The following ZNF695 variants were observed in gnomAD, a reference collection of about 807,000 sequenced individuals.
ZNF695 encodes zinc finger protein SBZF3.
A neutral mutation model predicts 11.2 loss-of-function variants in ZNF695; 11 were observed. That is an observed-to-expected ratio of 0.98 (90% CI 0.62 to 1.62). The LOEUF is 1.62. Ranked by LOEUF, ZNF695 falls within the 40% of genes most tolerant of loss-of-function variation. The probability of loss-of-function intolerance (pLI) is 0.00; values close to 1 mark genes in which losing one functional copy is unlikely to be tolerated. For synonymous variants in ZNF695, 190 were observed against 201.4 expected (o/e 0.94, Z 0.48); for missense variants, 559 against 590.5 (o/e 0.95, Z 0.55).
chr1:246,969,750 C>T (rs1668379761), intron 4 of ZNF695: 1 of 152,334 alleles, frequency 6.6e-6, no homozygotes, highest in South Asian at 2.1e-4. Flanking sequence ...GGGGAGGACT[C>T]AGGAAACTTA....
chr1:246,993,478 G>A (rs1669102438), intron 3 of ZNF695, among the ~76,000 whole-genome samples: 1 of 152,062 alleles, frequency 6.6e-6, no homozygotes, highest in South Asian at 2.1e-4. Flanking sequence ...GAACAAGTTT[G>A]AGAGGCTCCC....
chr1:246,976,763 C>T (rs998461835), intron 4 of ZNF695, among the ~76,000 whole-genome samples: 9 of 152,074 alleles, frequency 5.9e-5, no homozygotes, highest in African/African-American at 1.2e-4. Context: ...CACTGCACTC[C>T]AGCCTGGGCG....
At chr1:246,973,331 G>A (rs1292821842) in intron 4 of ZNF695, among the ~76,000 whole-genome samples, 1 of 152,212 alleles carries the variant, frequency 6.6e-6, no homozygotes, top group Non-Finnish European at 1.5e-5. Flanking sequence ...TTACAGGCAT[G>A]AGCCACCGTG....
chr1:246,964,237 C>G (rs1034107090), intron 5 of ZNF695, among the ~76,000 whole-genome samples: 1 of 152,114 alleles, frequency 6.6e-6, no homozygotes, highest in African/African-American at 2.4e-5. Context: ...CAATTACTAA[C>G]TCAGGTTTCC....
At chr1:246,999,208 T>A in intron 3 of ZNF695, 140 bp downstream of exon 3, 1 of 650,912 alleles carries the variant, frequency 1.5e-6, no homozygotes, top group South Asian at 1.9e-5. Context: ...GATGCCCCTA[T>A]GTGGGAGCAA....
At chr1:246,988,910 G>A (rs1445429779) in intron 3 of ZNF695, among the ~76,000 whole-genome samples, 1 of 151,860 alleles carries the variant, frequency 6.6e-6, no homozygotes, top group Non-Finnish European at 1.5e-5. Context: ...CCAACACAGT[G>A]AAACCCCATC....
Position 247,007,996 on chromosome 1 carries a change from C to A in ZNF695, c.-88G>T, listed in dbSNP as rs568259160. ...GGCGATGGAGCCTGCGGCAGTCACC[C>A]GGGACTCTCCGAGAGGCAGCAGACG... On this transcript the variant is annotated 5_prime_UTR_variant, in exon 1 of 4. Coordinates refer to ENST00000339986, the MANE Select transcript of ZNF695 (RefSeq NM_020394.5). 3 of 1,374,258 alleles carry A rather than the reference C, an allele frequency of 2.2e-6. No homozygotes were observed. The highest frequency in any genetic ancestry group is 2.7e-5 in the East Asian group (1 of 36,512). The allele number at this position is 1,374,258 out of a possible 1,614,324, so 85.1% of individuals were successfully genotyped here.
downstream of ZNF695, among the ~76,000 whole-genome samples, chr1:246,980,459 C>T (rs1483933256): frequency 1.4e-5 from 2 of 147,956 alleles, no homozygotes; most frequent in Non-Finnish European, 1.5e-5. Context: ...CTCTGTCGCT[C>T]AGACTGGAGT....
At chr1:246,992,046 C>T (rs556348300) in intron 3 of ZNF695, among the ~76,000 whole-genome samples, 6 of 152,006 alleles carry the variant, frequency 3.9e-5, no homozygotes, top group Non-Finnish European at 5.9e-5. Flanking sequence ...CACCTGCAGT[C>T]GCAGCTACTC....
At position 246,974,157 on chromosome 1, in the gene ZNF695, C is replaced by A. The variant is rs7417496; in HGVS notation, c.391-6365G>T. On this transcript the variant is annotated intron_variant, in intron 4 of 5. Transcript: ENST00000487338. Reference sequence around the variant, plus strand: ...TTATTTGGAATAAAAAACAAACAAACAAACAAAAAAAAACAAACAAAAAAC... The same window carrying A: ...TTATTTGGAATAAAAAACAAACAAAAAAACAAAAAAAAACAAACAAAAAAC... Among the ~76,000 whole-genome samples, 279 of 127,214 alleles carry A rather than the reference C, an allele frequency of 2.2e-3. 2 individuals are homozygous for A. The highest frequency in any genetic ancestry group is 0.01 in the East Asian group (47 of 4,678). 83.5% of individuals were successfully genotyped at this position (127,214 alleles called of 152,430 possible).
Position 246,987,629 on chromosome 1 carries a change from A to G in ZNF695, c.886T>C (p.Tyr296His). 1.2e-6 allele frequency: 2 copies of G among 1,604,188 alleles called. No individual in the cohort carries two copies. The highest frequency in any genetic ancestry group is 1.3e-5 in the African/African-American group (1 of 74,514). Residue 296 changes from tyrosine to histidine, a missense_variant, in exon 4 of 4, where the codon TAC (tyrosine) becomes CAC (histidine). Tyr to His is a moderately conservative substitution (Grantham distance 83, BLOSUM62 2). Transcript: ENST00000339986. ...GATTTGCCACATTCTTCACATTTGT[A>G]TGGTTTCTCTCCAGTATGAATTTTC... ...HKKIHTGEKP[Y>H]KCEECGKSFK...
chr1:246,948,571 C>G (rs953278076), intron 5 of ZNF695, among the ~76,000 whole-genome samples: 1 of 152,288 alleles, frequency 6.6e-6, no homozygotes, highest in Non-Finnish European at 1.5e-5. Context: ...TACATTCTGT[C>G]CCAGGTTCCT....
In ZNF695 at chr1:246,988,173, A is replaced by G; in HGVS notation, c.342T>C (p.Tyr114=). The change falls in exon 4 of 4, where the codon TAT becomes TAC. Residue 114 remains tyrosine (Y), a synonymous_variant. Coordinates refer to ENST00000339986, the MANE Select transcript of ZNF695 (RefSeq NM_020394.5). ...VSFQKVMLRR[Y]ERCCLEKLRL... ...GTAATTTCTCAAGACAACATCTTTC[A>G]TATCTTCTCAGCATCACTTTTTGGA... 1.9e-6 allele frequency: 3 copies of G among 1,612,314 alleles called. No individual in the cohort carries two copies. Among genetic ancestry groups the G allele is most frequent in the South Asian group, 2.2e-5 (2 of 90,636 alleles).
Position 246,959,282 on chromosome 1 carries a change from C to CAAAA in ZNF695, c.488+8409_488+8412dup, listed in dbSNP as rs1189262229. Among the ~76,000 whole-genome samples the CAAAA allele has an allele frequency of 4.6e-3, 34 of 7,434 alleles. 11 individuals carry two copies. Among genetic ancestry groups the CAAAA allele is most frequent in the Non-Finnish European group, 5.7e-3 (27 of 4,766 alleles). The allele number at this position is 7,434 out of a possible 152,430, so 4.9% of individuals were successfully genotyped here. ...TGGATGACAGAGTGAGACCCTGTCTCAAAAAAAAAAAAAAAAAAAAAAAAA... is the reference window on the plus strand; with the variant it reads ...TGGATGACAGAGTGAGACCCTGTCTCAAAAAAAAAAAAAAAAAAAAAAAAAAAAA... On this transcript the variant is annotated intron_variant, in intron 5 of 5. Transcript: ENST00000487338.
intron 1 of ZNF695, among the ~76,000 whole-genome samples, chr1:247,003,615 A>C (rs1669452700): frequency 6.6e-6 from 1 of 152,242 alleles, no homozygotes; most frequent in Non-Finnish European, 1.5e-5. Context: ...GAAAAGAAAA[A>C]ATAAATAAAT....
Position 246,986,927 on chromosome 1 carries a change from T to G in ZNF695, c.*40A>C. ...CTGCTGTGAAGTTGTGAATAGGTAT[T>G]AAAGACTATGCCATATTGTTTAGAA... On this transcript the variant is annotated 3_prime_UTR_variant, in exon 4 of 4. Transcript: ENST00000339986. 6.5e-7 allele frequency: 1 copy of G among 1,528,160 alleles called. No homozygotes were observed. Among genetic ancestry groups the G allele is most frequent in the South Asian group, 1.3e-5 (1 of 74,452 alleles). The allele number at this position is 1,528,160 out of a possible 1,614,324, so 94.7% of individuals were successfully genotyped here.
chr1:247,001,009 A>C (rs922006606), intron 1 of ZNF695, among the ~76,000 whole-genome samples: 1 of 152,152 alleles, frequency 6.6e-6, no homozygotes, highest in Admixed American at 6.5e-5. Context: ...CCTAGGCAAA[A>C]TAGTGAGACC....
chr1:246,956,290 T>C (rs1354921563), intron 5 of ZNF695, among the ~76,000 whole-genome samples: 10 of 150,142 alleles, frequency 6.7e-5, no homozygotes, highest in African/African-American at 2.4e-4. Context: ...GCCCGGCCGA[T>C]TGGATCATTA....
intron 5 of ZNF695, among the ~76,000 whole-genome samples, chr1:246,960,793 C>T (rs1344174184): frequency 6.6e-6 from 1 of 152,168 alleles, no homozygotes; most frequent in Non-Finnish European, 1.5e-5. Context: ...ATTAGCTGGG[C>T]ATGGTGGTGC....
Sources: gnomAD v4.1 joint callset for allele counts (sites outside exome capture counted in the v4.1 genomes callset) on GRCh38, gnomAD v4.1.1 for gene constraint, MANE v1.5 for transcripts, NCBI Gene and HGNC (gene_info 2026-07-23, HGNC 2026-07-21) for gene names.